The following CMAS variants were observed in gnomAD, a reference collection of about 807,000 sequenced individuals.
CMAS encodes N-acylneuraminate cytidylyltransferase.
A neutral mutation model predicts 53.4 loss-of-function variants in CMAS; 21 were observed. The observed-to-expected ratio is 0.39, with a 90% confidence interval of 0.28 to 0.57. The LOEUF (loss-of-function observed/expected upper bound fraction) is 0.57. Ranked by LOEUF, CMAS falls within the 20% of genes least tolerant of loss-of-function variation. CMAS has a pLI of 0.56. For missense variants in CMAS, 384 were observed against 534.9 expected, an observed-to-expected ratio of 0.72 and a Z score of 2.78; for synonymous variants, 189 against 195.2, an observed-to-expected ratio of 0.97 and a Z score of 0.27.
chr12:22,057,415 A>T (rs569247762), intron 3 of CMAS, among the ~76,000 whole-genome samples: 3 of 152,144 alleles, frequency 2.0e-5, no homozygotes, highest in Non-Finnish European at 4.4e-5. Context: ...AACATAATTT[A>T]TTATTATGTT....
chr12:22,046,251 T>A lies in CMAS; in HGVS notation c.-53T>A, dbSNP rs1163586446. 2 of 1,390,574 alleles carry A rather than the reference T, an allele frequency of 1.4e-6. No homozygotes were observed. Among genetic ancestry groups the A allele is most frequent in the African/African-American group, 1.5e-5 (1 of 64,586 alleles). 86.1% of individuals were successfully genotyped at this position (1,390,574 alleles called of 1,614,324 possible). ...ATCGGGCGGCGCCGAGCTGAGGTGG[T>A]GAGGGACTAGCTCCCGGATGTGGAG... On this transcript the variant is annotated 5_prime_UTR_variant, in exon 1 of 8. Coordinates refer to ENST00000229329, the MANE Select transcript of CMAS (RefSeq NM_018686.6).
chr12:22,046,818 C>G (rs1304477562), intron 1 of CMAS, among the ~76,000 whole-genome samples: 1 of 152,180 alleles, frequency 6.6e-6, no homozygotes, highest in East Asian at 1.9e-4. Context: ...GAGAATCATC[C>G]GTAAAAGGGG....
intron 3 of CMAS, among the ~76,000 whole-genome samples, chr12:22,058,327 A>G (rs1000899515): frequency 1.5e-4 from 23 of 151,414 alleles, no homozygotes; most frequent in African/African-American, 5.6e-4. Flanking sequence ...TGGGAGGCTG[A>G]GGCAGGAGAA....
At chr12:22,059,387 T>C (rs1214224813) in intron 4 of CMAS, among the ~76,000 whole-genome samples, 1 of 152,098 alleles carries the variant, frequency 6.6e-6, no homozygotes, top group African/African-American at 2.4e-5. Flanking sequence ...TATGTTATCT[T>C]ATGTAATCTG....
intron 3 of CMAS, 143 bp from the exon 4 acceptor site, chr12:22,058,424 C>CAAAA: frequency 3.8e-6 from 2 of 530,088 alleles, no homozygotes; most frequent in Non-Finnish European, 3.0e-6. Flanking sequence ...GACTCTGTCT[C>CAAAA]AAAAAAAAAA....
At chr12:22,056,276 A>G (rs1950267800) in intron 3 of CMAS, among the ~76,000 whole-genome samples, 2 of 152,216 alleles carry the variant, frequency 1.3e-5, no homozygotes, top group African/African-American at 4.8e-5. Context: ...GCAAATTTCA[A>G]CATCTAGTCA....
At chr12:22,048,235 T>C (rs1950219064) in intron 1 of CMAS, among the ~76,000 whole-genome samples, 1 of 152,156 alleles carries the variant, frequency 6.6e-6, no homozygotes, top group African/African-American at 2.4e-5. Context: ...TACAAGAACA[T>C]TAATGTGTGT....
At chr12:22,048,738 A>T (rs1022298266) in intron 1 of CMAS, among the ~76,000 whole-genome samples, 37 of 151,890 alleles carry the variant, frequency 2.4e-4, no homozygotes, top group African/African-American at 9.0e-4. Context: ...AATAACTCTT[A>T]CTCTCCTTCC....
In CMAS at chr12:22,055,511, C is replaced by A. The variant is rs1950262302; in HGVS notation, c.460C>A (p.Leu154Ile). 2 of 1,612,246 alleles carry A rather than the reference C, an allele frequency of 1.2e-6. No individual in the cohort carries two copies. The highest frequency in any genetic ancestry group is 2.7e-5 in the African/African-American group (2 of 74,964). Residue 154 changes from leucine (L) to isoleucine (I), a missense_variant, in exon 3 of 8, where the codon CTT becomes ATT. Around this residue, in one of 3 missense-constraint regions of CMAS, gnomAD observed 139 missense variants for 248.0 expected, o/e 0.56. Coordinates refer to ENST00000229329, the MANE Select transcript of CMAS (RefSeq NM_018686.6). ...TTCTCCATGTTTACATCCTACTGAT[C>A]TTCAAAAAGTTGCAGAAATGATTCG... ...ATSPCLHPTDLQKVAEMIREE... is the reference protein window; with the variant it reads ...ATSPCLHPTDIQKVAEMIREE...
chr12:22,060,383 T>TGTCA (rs1950301074), intron 4 of CMAS, among the ~76,000 whole-genome samples: 2 of 126,062 alleles, frequency 1.6e-5, no homozygotes, highest in Admixed American at 1.9e-4. Context: ...GGCTGAAGCA[T>TGTCA]GTCATCCCAG....
Position 22,060,333 on chromosome 12 carries a change from T to TAAAAAAAAAAAAAAA in CMAS, c.694-486_694-472dup, listed in dbSNP as rs58755366. Among the ~76,000 whole-genome samples the TAAAAAAAAAAAAAAA allele has an allele frequency of 2.9e-3, 158 of 54,138 alleles. 16 individuals are homozygous for TAAAAAAAAAAAAAAA. Among genetic ancestry groups the TAAAAAAAAAAAAAAA allele is most frequent in the South Asian group, 5.6e-3 (5 of 900 alleles). The allele number at this position is 54,138 out of a possible 152,430, so 35.5% of individuals were successfully genotyped here. A position where few individuals can be genotyped will look rare whatever the true frequency, so the allele number is the denominator to read the frequency against. On this transcript the variant is annotated intron_variant, in intron 4 of 7. Coordinates refer to ENST00000229329, the MANE Select transcript of CMAS (RefSeq NM_018686.6). Reference sequence around the variant, plus strand: ...ATTTCTTTTGTGTGAGCTTTCTCCTTAAAAAAAAAAAAAAAAAAAAAAAAA... The same window carrying TAAAAAAAAAAAAAAA: ...ATTTCTTTTGTGTGAGCTTTCTCCTTAAAAAAAAAAAAAAAAAAAAAAAAAAAAAAAAAAAAAAAA...
At position 22,046,436 on chromosome 12, in the gene CMAS, C is replaced by T; in HGVS notation, c.133C>T (p.Leu45=). 1 of 1,609,102 alleles carries T rather than the reference C, an allele frequency of 6.2e-7. No homozygotes were observed. Among genetic ancestry groups the T allele is most frequent in the Non-Finnish European group, 8.5e-7 (1 of 1,178,346 alleles). Residue 45 remains leucine (L), a synonymous_variant, in exon 1 of 8, where the codon CTG becomes TTG. Transcript: ENST00000229329. ...CCGAGGTGTGGAGAAGCCCCCGCAC[C>T]TGGCAGCCCTAATTCTGGCCCGGGG... is the stretch of plus-strand genomic sequence containing the variant. The part of the protein sequence containing the change: ...QGRGVEKPPH[L]AALILARGGS...
At chr12:22,049,399 T>C (rs1479100280) in intron 1 of CMAS, among the ~76,000 whole-genome samples, 1 of 152,208 alleles carries the variant, frequency 6.6e-6, no homozygotes, top group Non-Finnish European at 1.5e-5. Flanking sequence ...TATGAAATGA[T>C]TGGAAAATAT....
intron 1 of CMAS, among the ~76,000 whole-genome samples, chr12:22,046,805 C>T (rs887792678): frequency 6.6e-6 from 1 of 152,210 alleles, no homozygotes; most frequent in Non-Finnish European, 1.5e-5. Flanking sequence ...TGTCTCCGCC[C>T]TTGAGAATCA....
intron 7 of CMAS, among the ~76,000 whole-genome samples, chr12:22,063,063 C>CACTT (rs1165061224): frequency 1.3e-5 from 2 of 152,184 alleles, no homozygotes; most frequent in African/African-American, 2.4e-5. Context: ...TTAAGCAATA[C>CACTT]ACTTACTTAC....
At chr12:22,051,269 T>G (rs1420469417) in intron 1 of CMAS, among the ~76,000 whole-genome samples, 1 of 152,224 alleles carries the variant, frequency 6.6e-6, no homozygotes, top group Non-Finnish European at 1.5e-5. Flanking sequence ...AAGAGCTTAA[T>G]TTTCAACAGT....
At chr12:22,055,411 A>G in intron 2 of CMAS, 44 bp from the exon 3 acceptor site, 1 of 1,519,384 alleles carries the variant, frequency 6.6e-7, no homozygotes, top group Non-Finnish European at 8.8e-7. Flanking sequence ...CTTGCAAGGA[A>G]CTTTTTTTTT....
At chr12:22,059,564 G>C (rs1263633476) in intron 4 of CMAS, among the ~76,000 whole-genome samples, 4 of 152,138 alleles carry the variant, frequency 2.6e-5, no homozygotes, top group African/African-American at 9.7e-5. Context: ...GTTTTAAAGA[G>C]AGAGAGAGAA....
chr12:22,050,067 A>G (rs1002687904), intron 1 of CMAS, among the ~76,000 whole-genome samples: 5 of 152,198 alleles, frequency 3.3e-5, no homozygotes, highest in Non-Finnish European at 7.3e-5. Context: ...AAGGTAATAG[A>G]AGGGACCAGC....
Sources: allele counts gnomAD v4.1 joint callset (sites outside exome capture counted in the v4.1 genomes callset), GRCh38; gene constraint gnomAD v4.1.1; regional missense constraint gnomAD v4.1.1; transcripts MANE v1.5; gene names NCBI Gene and HGNC (gene_info 2026-07-23, HGNC 2026-07-21).